ANKAR: variants seen among roughly 807,000 people sequenced by gnomAD.
ANKAR encodes the protein ankyrin and armadillo repeat-containing protein.
In ANKAR, 136 loss-of-function variants were observed where a neutral mutation model predicts 146.2. That is an observed-to-expected ratio of 0.93 (90% CI 0.81 to 1.07). The LOEUF is 1.07. Among genes scored for constraint, ANKAR ranks in the 50% least tolerant of loss-of-function variants. The pLI is 0.00. For synonymous variants in ANKAR, 500 were observed against 575.8 expected (o/e 0.87, Z 1.88); for missense variants, 1,567 against 1,679.9 (o/e 0.93, Z 1.18).
chr2:189,749,848 T>C (rs1168641267), downstream of ANKAR, among the ~76,000 whole-genome samples: 1 of 152,106 alleles, frequency 6.6e-6, no homozygotes. Flanking sequence ...CTAAAATTGC[T>C]CTCTTGAGCA....
In ANKAR at chr2:189,676,638, G is replaced by C; in HGVS notation, c.148G>C (p.Ala50Pro). 1 of 1,614,102 alleles carries C rather than the reference G, an allele frequency of 6.2e-7. No homozygotes were observed. The highest frequency in any genetic ancestry group is 8.5e-7 in the Non-Finnish European group (1 of 1,180,028). ...RSEIQELLTT[A>P]LVSWLSAKED... ...TGAAATACAAGAGTTACTAACTACT[G>C]CACTAGTTAGCTGGTTGTCTGCCAA... Residue 50 changes from alanine to proline, a missense_variant, in exon 2 of 23, where the codon GCA (alanine) becomes CCA (proline). Coordinates refer to ENST00000684021, the MANE Select transcript of ANKAR (RefSeq NM_001378068.1).
At chr2:189,750,084 G>A (rs1474326171), downstream of ANKAR, among the ~76,000 whole-genome samples, 2 of 152,060 alleles carry the variant, frequency 1.3e-5, no homozygotes, top group East Asian at 3.9e-4. Flanking sequence ...CTGAGATCAC[G>A]CCACTGCAAT....
intron 18 of ANKAR, chr2:189,753,850 A>G: frequency 6.5e-7 from 1 of 1,531,088 alleles, no homozygotes; most frequent in Non-Finnish European, 8.9e-7. Flanking sequence ...CACAAGGTCA[A>G]GGTCTTGGGA....
chr2:189,718,324 G>C (rs1559111713), intron 10 of ANKAR, among the ~76,000 whole-genome samples: 1 of 12,648 alleles, frequency 7.9e-5, no homozygotes, highest in Admixed American at 1.5e-3. Flanking sequence ...CTATCTGTCT[G>C]TCTATCTGTC....
chr2:189,743,184 C>A, intron 20 of ANKAR, 91 bp from the exon 21 acceptor site: 1 of 1,300,480 alleles, frequency 7.7e-7, no homozygotes, highest in Non-Finnish European at 1.1e-6. Context: ...CCCTCCCTTA[C>A]AGAGACTTTC....
intron 18 of ANKAR, among the ~76,000 whole-genome samples, chr2:189,759,137 T>A (rs1559174380): frequency 1.3e-5 from 2 of 152,234 alleles, no homozygotes; most frequent in Admixed American, 1.3e-4. Context: ...AGTGCCTTAC[T>A]AATATCCAAC....
At chr2:189,681,960 C>T (rs1184670508) in intron 2 of ANKAR, among the ~76,000 whole-genome samples, 5 of 152,214 alleles carry the variant, frequency 3.3e-5, no homozygotes, top group Non-Finnish European at 7.3e-5. Context: ...ACACCCTTTT[C>T]CACTGCAACA....
intron 12 of ANKAR, among the ~76,000 whole-genome samples, chr2:189,723,013 AT>A (rs1353943799): frequency 6.6e-6 from 1 of 152,050 alleles, no homozygotes; most frequent in Non-Finnish European, 1.5e-5. Flanking sequence ...AATTTTAATT[AT>A]TTTTTCCTTT....
In ANKAR at chr2:189,715,786, A is replaced by G. The variant is rs186004735; in HGVS notation, c.2225-3786A>G. On this transcript the variant is annotated intron_variant, in intron 10 of 22. Coordinates refer to ENST00000684021, the MANE Select transcript of ANKAR (RefSeq NM_001378068.1). ...CTGGGATGCAAGGCTGGTTCAACAT[A>G]CGCAAATCAATAAATGTAATCCATC... is the stretch of plus-strand genomic sequence containing the variant. Among the ~76,000 whole-genome samples the G allele has an allele frequency of 2.0e-5, 3 of 152,336 alleles. No homozygotes were observed. In the East Asian group the frequency reaches 5.8e-4, roughly 29 times the overall value.
chr2:189,680,198 C>G (rs2034437443), intron 2 of ANKAR, among the ~76,000 whole-genome samples: 1 of 152,076 alleles, frequency 6.6e-6, no homozygotes, highest in African/African-American at 2.4e-5. Flanking sequence ...AGGAATTTAT[C>G]CATCTCCTCT....
chr2:189,743,223 A>G, intron 20 of ANKAR, 52 bp from the exon 21 acceptor site: 1 of 1,540,498 alleles, frequency 6.5e-7, no homozygotes, highest in Non-Finnish European at 8.9e-7. Context: ...GAACATTAAG[A>G]TATTTTAAGA....
Position 189,689,620 on chromosome 2 carries a change from AAAC to A in ANKAR, c.697_699del (p.Thr233del). The A allele has an allele frequency of 6.2e-7, 1 of 1,613,788 alleles. No homozygotes were observed. Among genetic ancestry groups the A allele is most frequent in the Non-Finnish European group, 8.5e-7 (1 of 1,179,806 alleles). On this transcript the variant is annotated inframe_deletion, in exon 3 of 23. Coordinates refer to ENST00000684021, the MANE Select transcript of ANKAR (RefSeq NM_001378068.1). ...ACATATGATCCCAACAGCCCTGAAG[AAAC>A]AGCTGTATTTATGAAATATGCTGAA...
chr2:189,720,966 A>C (rs533655512), intron 12 of ANKAR, among the ~76,000 whole-genome samples, 179 bp downstream of exon 12: 69 of 152,266 alleles, frequency 4.5e-4, no homozygotes, highest in African/African-American at 1.6e-3. Flanking sequence ...CTGCTAAACT[A>C]TGTAGATACA....
At chr2:189,697,937 G>A (rs776939512) in intron 7 of ANKAR, among the ~76,000 whole-genome samples, 1 of 152,002 alleles carries the variant, frequency 6.6e-6, no homozygotes, top group Non-Finnish European at 1.5e-5. Flanking sequence ...TTGACCAAAA[G>A]TTATTCTCAA....
Position 189,741,333 on chromosome 2 carries a change from A to T in ANKAR, c.3701-9A>T, listed in dbSNP as rs749022218. 1 of 1,571,504 alleles carries T rather than the reference A, an allele frequency of 6.4e-7. No homozygotes were observed. The highest frequency in any genetic ancestry group is 8.6e-7 in the Non-Finnish European group (1 of 1,158,266). On this transcript the variant is annotated splice_polypyrimidine_tract_variant and intron_variant, in intron 19 of 22. Coordinates refer to ENST00000684021, the MANE Select transcript of ANKAR (RefSeq NM_001378068.1). ...AATAACACAAGCATTTTTCTTGTTT[A>T]ATTTATAGGGAATTTAATAGCAAGC...
At chr2:189,708,813 G>T (rs912703142) in intron 9 of ANKAR, among the ~76,000 whole-genome samples, 1 of 152,156 alleles carries the variant, frequency 6.6e-6, no homozygotes, top group Non-Finnish European at 1.5e-5. Context: ...GGGGGTTTTG[G>T]AATGTATCCT....
rs181193773 is a variant in ANKAR, at chr2:189,676,918, T to C, written c.428T>C (p.Ile143Thr). Residue 143 changes from isoleucine (I) to threonine (T), a missense_variant, in exon 2 of 23, where the codon ATT becomes ACT. Transcript: ENST00000684021. The stretch of plus-strand genomic sequence containing the variant: ...CCTCCAGCTTATTATGATACCAGAA[T>C]TGGGCAAATTCTGATCAATATTGAC... ...QLPPAYYDTR[I>T]GQILINIDYM... is the part of the protein sequence containing the mutation. 179 of 1,614,154 alleles carry C rather than the reference T, an allele frequency of 1.1e-4. No individual in the cohort carries two copies. The highest frequency in any genetic ancestry group is 9.3e-6 in the Non-Finnish European group (11 of 1,180,036).
chr2:189,693,544 G>T (rs2036743741), intron 5 of ANKAR, among the ~76,000 whole-genome samples: 1 of 152,144 alleles, frequency 6.6e-6, no homozygotes, highest in South Asian at 2.1e-4. Context: ...GAGCTCAGAG[G>T]AAACATTTTA....
rs1574442141 is a variant in ANKAR at position 189,696,499 on chromosome 2, A to G, written c.1708+130A>G. ...AGAGCAAAGTTGAGGTTTTTGTTTCATTTATCTAAGAAAGGCTTCTTTTAG... is the reference window on the plus strand; with the variant it reads ...AGAGCAAAGTTGAGGTTTTTGTTTCGTTTATCTAAGAAAGGCTTCTTTTAG... On this transcript the variant is annotated intron_variant, in intron 7 of 22. Coordinates refer to ENST00000684021, the MANE Select transcript of ANKAR (RefSeq NM_001378068.1). 3 of 810,842 alleles carry G rather than the reference A, an allele frequency of 3.7e-6. No individual in the cohort carries two copies. In the East Asian group the frequency reaches 8.2e-5, roughly 22 times the overall value. 50.2% of individuals were successfully genotyped at this position (810,842 alleles called of 1,614,324 possible).
Sources: allele counts gnomAD v4.1 joint callset (sites outside exome capture counted in the v4.1 genomes callset), GRCh38; gene constraint gnomAD v4.1.1; transcripts MANE v1.5; gene names NCBI Gene and HGNC (gene_info 2026-07-23, HGNC 2026-07-21).